The following EPB41L5 variants were observed in gnomAD, a reference collection of about 807,000 sequenced individuals.
EPB41L5 encodes band 4.1-like protein 5.
EPB41L5 carries 55 observed loss-of-function variants against 106.6 expected under a neutral mutation model. The ratio of observed to expected loss-of-function variants is 0.52; its 90% CI spans 0.42 to 0.65. The LOEUF is 0.65. Ranked by LOEUF, EPB41L5 falls within the 30% of genes least tolerant of loss-of-function variation. EPB41L5 has a pLI of 0.00. For synonymous variants in EPB41L5, 297 were observed against 306.7 expected (o/e 0.97, Z 0.33); for missense variants, 871 against 882.1 (o/e 0.99, Z 0.16).
intron 15 of EPB41L5, 85 bp from the exon 16 acceptor site, chr2:120,100,614 T>C (rs1223669581): frequency 1.1e-6 from 1 of 942,426 alleles, no homozygotes; most frequent in African/African-American, 1.6e-5. Context: ...GTTGGCTTTG[T>C]AAATAGTACT....
In EPB41L5 at chr2:120,074,163, G is replaced by A. The variant is rs775387235; in HGVS notation, c.392G>A (p.Arg131His). The A allele has an allele frequency of 5.0e-6, 8 of 1,611,040 alleles. No individual in the cohort carries two copies. The highest frequency in any genetic ancestry group is 4.5e-5 in the East Asian group (2 of 44,762). Reference protein sequence around the residue: ...KFYSSEPNNLREELTRYLFVL... With the variant: ...KFYSSEPNNLHEELTRYLFVL... The stretch of plus-strand genomic sequence containing the variant: ...TATTCCTCAGAACCAAATAACCTTC[G>A]TGAGGAGCTAACCCGGTAAGAACAC... Residue 131 changes from arginine (R) to histidine (H), a missense_variant, in exon 5 of 25, where the codon CGT (arginine) becomes CAT (histidine). Transcript: ENST00000263713.
intron 3 of EPB41L5, among the ~76,000 whole-genome samples, chr2:120,046,552 G>C (rs1205039578): frequency 1.3e-5 from 2 of 151,284 alleles, no homozygotes; most frequent in African/African-American, 4.9e-5. Flanking sequence ...GTAGATTCTG[G>C]ATATTAGCCC....
rs566768316 is a variant in EPB41L5 at position 120,175,727 on chromosome 2, C to G, written c.*820C>G. 1 of 152,188 alleles carries G rather than the reference C, an allele frequency of 6.6e-6. No homozygotes were observed. The highest frequency in any genetic ancestry group is 1.9e-4 in the East Asian group (1 of 5,180). The allele number at this position is 152,188 out of a possible 1,614,324, so 9.4% of individuals were successfully genotyped here. On this transcript the variant is annotated 3_prime_UTR_variant, in exon 25 of 25. Coordinates refer to ENST00000263713, the MANE Select transcript of EPB41L5 (RefSeq NM_020909.4). Reference sequence around the variant, plus strand: ...TCAGGCATCTGCACTCCTCCGAGCCCGGTGGAGAATGCAGGCTGCTGTAGT... The same window carrying G: ...TCAGGCATCTGCACTCCTCCGAGCCGGGTGGAGAATGCAGGCTGCTGTAGT...
intron 2 of EPB41L5, among the ~76,000 whole-genome samples, chr2:120,038,316 TGAGA>T: frequency 6.6e-6 from 1 of 152,316 alleles, no homozygotes; most frequent in South Asian, 2.1e-4. Context: ...AGAGCCACGA[TGAGA>T]GAGACTGATT....
Position 120,087,222 on chromosome 2 carries a change from TGTAGAA to T in EPB41L5, c.857_862del (p.Val286_Glu287del). 6.3e-7 allele frequency: 1 copy of T among 1,578,504 alleles called. No individual in the cohort carries two copies. Among genetic ancestry groups the T allele is most frequent in the South Asian group, 1.1e-5 (1 of 89,904 alleles). On this transcript the variant is annotated inframe_deletion, in exon 11 of 25. Transcript: ENST00000263713. ...AGAAGAATAAATTAACCTTGGTGGT[TGTAGAA>T]GATGATGATCAGGTAGGAATAAAAT...
intron 12 of EPB41L5, 104 bp from the exon 13 acceptor site, chr2:120,091,451 T>G: frequency 1.4e-6 from 1 of 738,610 alleles, no homozygotes; most frequent in Non-Finnish European, 2.3e-6. Context: ...CGATGAAGTT[T>G]AGGATGATTC....
intron 5 of EPB41L5, 106 bp downstream of exon 5, chr2:120,074,284 C>T (rs1682079042): frequency 3.9e-6 from 3 of 771,878 alleles, no homozygotes; most frequent in Admixed American, 2.9e-5. Context: ...GATTCCTGTC[C>T]CCTGGTAACA....
At chr2:120,143,685 A>G (rs149872913) in intron 19 of EPB41L5, among the ~76,000 whole-genome samples, 1 of 152,158 alleles carries the variant, frequency 6.6e-6, no homozygotes, top group East Asian at 1.9e-4. Flanking sequence ...TTCACCTGTT[A>G]TGGAGAAGAT....
rs760506031 is a variant in EPB41L5, at chr2:120,174,862, A to G, written c.2157A>G (p.Glu719=). The part of the protein sequence containing the change: ...AVTSSGPILA[E]EAVLKQKCLL... ...TCAGCTCTGGTCCCATTTTGGCAGA[A>G]GAAGCTGTCCTGAAGCAGAAGTGTT... The change falls in exon 25 of 25, where the codon GAA becomes GAG. Residue 719 remains glutamate (E), a synonymous_variant. Coordinates refer to ENST00000263713, the MANE Select transcript of EPB41L5 (RefSeq NM_020909.4). The G allele has an allele frequency of 5.0e-6, 8 of 1,614,200 alleles. No individual in the cohort carries two copies. In the South Asian group the frequency reaches 8.8e-5, roughly 18 times the overall value.
chr2:120,133,132 G>C (rs1168539825), intron 18 of EPB41L5, among the ~76,000 whole-genome samples: 1 of 152,078 alleles, frequency 6.6e-6, no homozygotes, highest in Non-Finnish European at 1.5e-5. Flanking sequence ...TAGCTAGGAA[G>C]AATAACAATA....
At chr2:120,092,640 A>G (rs1432123455) in intron 13 of EPB41L5, among the ~76,000 whole-genome samples, 1 of 152,146 alleles carries the variant, frequency 6.6e-6, no homozygotes, top group Non-Finnish European at 1.5e-5. Context: ...AGCTGTAATG[A>G]TCTGATGTTT....
rs1397057583 is a variant in EPB41L5, at chr2:120,099,277, GAGTTAT to G, written c.1179-962_1179-957del. On this transcript the variant is annotated intron_variant, in intron 14 of 24. Transcript: ENST00000263713. ...GAAACTTTTTTTCTCATTTTGTTGT[GAGTTAT>G]AGTTCATCTTTGAGTTTTTATTTTA... Among the ~76,000 whole-genome samples, 3 of 150,038 alleles carry G rather than the reference GAGTTAT, an allele frequency of 2.0e-5. No individual in the cohort carries two copies. In the East Asian group the frequency reaches 5.8e-4, roughly 29 times the overall value.
At chr2:120,086,799 T>A (rs1050044817) in intron 10 of EPB41L5, among the ~76,000 whole-genome samples, 1 of 152,224 alleles carries the variant, frequency 6.6e-6, no homozygotes, top group African/African-American at 2.4e-5. Flanking sequence ...CTGTTTTTTT[T>A]AAGCTTTATG....
At chr2:120,083,937 GT>G (rs1682876000) in intron 10 of EPB41L5, among the ~76,000 whole-genome samples, 1 of 151,604 alleles carries the variant, frequency 6.6e-6, no homozygotes. Context: ...GCCTTTTTTT[GT>G]TTTCCATTTG....
chr2:120,141,556 A>C (rs2105491064), intron 18 of EPB41L5, among the ~76,000 whole-genome samples: 1 of 152,246 alleles, frequency 6.6e-6, no homozygotes, highest in Admixed American at 6.6e-5. Flanking sequence ...CAGCTGCCAA[A>C]GAGTTATGTT....
intron 1 of EPB41L5, chr2:120,013,739 T>C (rs1574449581): frequency 6.6e-6 from 1 of 152,126 alleles, no homozygotes; most frequent in African/African-American, 2.4e-5. Flanking sequence ...CCCGGGACGG[T>C]TGTCGTGCTA....
At chr2:120,138,166 A>G (rs1397317211) in intron 18 of EPB41L5, among the ~76,000 whole-genome samples, 2 of 151,944 alleles carry the variant, frequency 1.3e-5, no homozygotes, top group Non-Finnish European at 2.9e-5. Flanking sequence ...TCCCTTTGTG[A>G]TTAAGAAAAA....
At chr2:120,069,214 C>G (rs892893872) in intron 3 of EPB41L5, among the ~76,000 whole-genome samples, 4 of 137,280 alleles carry the variant, frequency 2.9e-5, no homozygotes, top group Non-Finnish European at 4.6e-5. Flanking sequence ...TTTAAACCAA[C>G]AAAGATCAAA....
rs185614051 is a variant in EPB41L5 at position 120,048,565 on chromosome 2, G to A, written c.285+6455G>A. ...TCTTCTGTCTATTAGTCTTGCTAGC[G>A]GTCTGTCAATTTTGTTGATCTTTTA... On this transcript the variant is annotated intron_variant, in intron 3 of 24. Transcript: ENST00000263713. Among the ~76,000 whole-genome samples, 19 of 151,556 alleles carry A rather than the reference G, an allele frequency of 1.3e-4. No individual in the cohort carries two copies. The East Asian group carries it at 2.3e-3, about 19-fold the overall frequency.
Sources: allele counts gnomAD v4.1 joint callset (sites outside exome capture counted in the v4.1 genomes callset), GRCh38; gene constraint gnomAD v4.1.1; transcripts MANE v1.5; gene names NCBI Gene and HGNC (gene_info 2026-07-23, HGNC 2026-07-21).